Variants in CRPPA observed in about 807,000 individuals in gnomAD.
CRPPA encodes the protein CDP-L-ribitol pyrophosphorylase A.
Under a neutral mutation model 52.0 loss-of-function variants are expected in CRPPA, and 43 were observed. The observed-to-expected ratio is 0.83, with a 90% confidence interval of 0.65 to 1.07. The LOEUF (loss-of-function observed/expected upper bound fraction) is 1.07, where lower values mean the gene tolerates loss of function less well. Ranked by LOEUF, CRPPA falls within the 50% of genes least tolerant of loss-of-function variation. The pLI is 0.00. For missense variants in CRPPA, 629 were observed against 551.7 expected, an observed-to-expected ratio of 1.14 and a Z score of -1.40; for synonymous variants, 250 against 203.5, an observed-to-expected ratio of 1.23 and a Z score of -1.94.
At chr7:16,102,607 C>T (rs1271234374) in intron 9 of CRPPA, among the ~76,000 whole-genome samples, 1 of 150,814 alleles carries the variant, frequency 6.6e-6, no homozygotes, top group African/African-American at 2.4e-5. Context: ...AACAAATTTA[C>T]AAGAAAAAAA....
chr7:16,185,203 C>A (rs1351193301), intron 9 of CRPPA, among the ~76,000 whole-genome samples: 1 of 152,180 alleles, frequency 6.6e-6, no homozygotes, highest in Non-Finnish European at 1.5e-5. Flanking sequence ...AAAGGCGTGT[C>A]ACACATGGCA....
chr7:16,250,600 C>G (rs992284149), intron 8 of CRPPA, among the ~76,000 whole-genome samples: 4 of 152,106 alleles, frequency 2.6e-5, no homozygotes, highest in African/African-American at 9.7e-5. Flanking sequence ...ATTTTCAACC[C>G]AGAATTTCAT....
intron 3 of CRPPA, among the ~76,000 whole-genome samples, chr7:16,338,598 T>C (rs1583530714): frequency 2.0e-5 from 3 of 152,224 alleles, no homozygotes; most frequent in African/African-American, 7.2e-5. Context: ...GCAGACTTCA[T>C]GGACATCAAG....
In CRPPA at chr7:16,250,168, T is replaced by C. The variant is rs553394880; in HGVS notation, c.1119+8222A>G. On this transcript the variant is annotated intron_variant, in intron 8 of 9. Transcript: ENST00000407010. Reference sequence around the variant, plus strand: ...ATGAAATAAAGCGAGAAGACAAGATTAGAGAAAACAGAGTGAAAAGAAATG... The same window carrying C: ...ATGAAATAAAGCGAGAAGACAAGATCAGAGAAAACAGAGTGAAAAGAAATG... 4.6e-4 allele frequency among the ~76,000 whole-genome samples: 70 copies of C among 152,080 alleles called. No homozygotes were observed. In the Middle Eastern group the frequency reaches 0.02, roughly 44 times the overall value.
At chr7:16,119,930 A>C (rs2128369464) in intron 9 of CRPPA, among the ~76,000 whole-genome samples, 1 of 152,308 alleles carries the variant, frequency 6.6e-6, no homozygotes, top group East Asian at 1.9e-4. Context: ...AATCCTTAGA[A>C]GTGTGCAAGA....
chr7:16,374,442 C>T (rs1386021226), intron 3 of CRPPA, among the ~76,000 whole-genome samples: 2 of 152,140 alleles, frequency 1.3e-5, no homozygotes, highest in East Asian at 3.9e-4. Flanking sequence ...TGTGGGACTT[C>T]ACCTTGTAAC....
At chr7:16,146,845 GAGGAACAA>G (rs1398945942) in intron 9 of CRPPA, among the ~76,000 whole-genome samples, 6 of 152,176 alleles carry the variant, frequency 3.9e-5, no homozygotes, top group Non-Finnish European at 7.4e-5. Flanking sequence ...GTCAGGGAGA[GAGGAACAA>G]AGGAATTACA....
intron 9 of CRPPA, among the ~76,000 whole-genome samples, chr7:16,205,845 CA>C (rs2128394722): frequency 6.6e-6 from 1 of 150,908 alleles, no homozygotes; most frequent in East Asian, 1.9e-4. Context: ...TTAATATCAT[CA>C]AAACATCTTA....
At chr7:16,216,551 C>T (rs147409320) in intron 8 of CRPPA, 5,331 of 217,236 alleles carry the variant, frequency 0.025, 157 homozygotes, top group African/African-American at 0.074. Context: ...CACTAGGGAG[C>T]GCCAGACAGT....
intron 9 of CRPPA, among the ~76,000 whole-genome samples, chr7:16,132,889 G>A (rs1782704766): frequency 8.0e-6 from 1 of 124,434 alleles, no homozygotes; most frequent in Non-Finnish European, 1.8e-5. Flanking sequence ...GGGCATGGTG[G>A]TTCATGCCTG....
At chr7:16,151,411 A>T (rs1783073768) in intron 9 of CRPPA, among the ~76,000 whole-genome samples, 1 of 152,142 alleles carries the variant, frequency 6.6e-6, no homozygotes, top group Non-Finnish European at 1.5e-5. Context: ...GGTTGTGATG[A>T]TTTGTTTTTT....
chr7:16,331,397 A>C (rs1012569642), intron 3 of CRPPA, among the ~76,000 whole-genome samples: 12 of 152,154 alleles, frequency 7.9e-5, no homozygotes, highest in Non-Finnish European at 1.6e-4. Flanking sequence ...CACATTACTA[A>C]GGGTATATTT....
intron 9 of CRPPA, among the ~76,000 whole-genome samples, chr7:16,186,132 C>A (rs779706943): frequency 5.9e-5 from 9 of 152,122 alleles, no homozygotes; most frequent in Non-Finnish European, 1.2e-4. Context: ...AGGTAGATAT[C>A]TACTAAAATG....
Position 16,376,231 on chromosome 7 carries a change from G to A in CRPPA, c.545C>T (p.Ala182Val). The A allele has an allele frequency of 6.2e-7, 1 of 1,600,338 alleles. No individual in the cohort carries two copies. The highest frequency in any genetic ancestry group is 8.5e-7 in the Non-Finnish European group (1 of 1,174,756). Reference protein sequence around the residue: ...TAAKEHGAAGAIRPLVSTVVS... With the variant: ...TAAKEHGAAGVIRPLVSTVVS... ...GACAGTAGATACAAGAGGTCGAATG[G>A]CTCCTGCTGCCTGAAGAACAAAGAG... The change falls in exon 3 of 10, where the codon GCC becomes GTC. Residue 182 changes from alanine to valine, a missense_variant. Physicochemically the swap from Ala to Val is moderately conservative, Grantham distance 64. Transcript: ENST00000407010.
chr7:16,226,580 A>G (rs1782657065), intron 8 of CRPPA, among the ~76,000 whole-genome samples: 1 of 151,966 alleles, frequency 6.6e-6, no homozygotes, highest in Non-Finnish European at 1.5e-5. Flanking sequence ...CAAATTTATT[A>G]GTATTAAAAA....
At chr7:16,322,070 C>T (rs6973859) in intron 3 of CRPPA, among the ~76,000 whole-genome samples, 72,397 of 151,928 alleles carry the variant, frequency 0.48, 17,407 homozygotes, top group South Asian at 0.6. Flanking sequence ...CTCCAAAATG[C>T]GAGATAATAC....
At position 16,119,530 on chromosome 7, in the gene CRPPA, T is replaced by C. The variant is rs562338306; in HGVS notation, c.1252-27731A>G. The stretch of plus-strand genomic sequence containing the variant: ...AAATGTAAACAGACAAAACTTGAAG[T>C]GAAAACACAGAGATTGTCAAGATGG... On this transcript the variant is annotated intron_variant, in intron 9 of 9. Transcript: ENST00000407010. Among the ~76,000 whole-genome samples, 4 of 152,162 alleles carry C rather than the reference T, an allele frequency of 2.6e-5. No individual in the cohort carries two copies. In the East Asian group the frequency reaches 7.7e-4, roughly 29 times the overall value.
intron 9 of CRPPA, among the ~76,000 whole-genome samples, chr7:16,164,808 ACT>A (rs1421181094): frequency 6.6e-6 from 1 of 152,170 alleles, no homozygotes; most frequent in Non-Finnish European, 1.5e-5. Context: ...CACTACAGAC[ACT>A]GTTTGCCCAC....
chr7:16,278,902 G>A (rs1260385238), intron 5 of CRPPA, among the ~76,000 whole-genome samples: 2 of 152,194 alleles, frequency 1.3e-5, no homozygotes, highest in Admixed American at 6.5e-5. Context: ...AGGCAAATCA[G>A]AAGGTACCCT....
Sources: gnomAD v4.1 joint callset for allele counts (sites outside exome capture counted in the v4.1 genomes callset) on GRCh38, gnomAD v4.1.1 for gene constraint, MANE v1.5 for transcripts, NCBI Gene and HGNC (gene_info 2026-07-23, HGNC 2026-07-21) for gene names.